Variants in NAV3 observed in about 807,000 individuals in gnomAD.
The protein encoded by NAV3 is neuron navigator 3, also known as pore membrane and/or filament interacting like protein 1.
A neutral mutation model predicts 244.7 loss-of-function variants in NAV3; 87 were observed. That is an observed-to-expected ratio of 0.36 (90% CI 0.30 to 0.42). NAV3 has a LOEUF of 0.42. Ranked by LOEUF, NAV3 falls within the 20% of genes least tolerant of loss-of-function variation. NAV3 has a pLI of 1.00. For missense variants in NAV3, 2,663 were observed against 2,893.3 expected (o/e 0.92, Z 1.83); for synonymous variants, 1,126 against 1,042.2 (o/e 1.08, Z -1.55).
At position 77,909,231 on chromosome 12, in the gene NAV3, A is replaced by C. The variant is rs1287400490; in HGVS notation, c.244-31088A>C. On this transcript the variant is annotated intron_variant, in intron 1 of 39. Transcript: ENST00000397909. ...AAAGATGATAATTTTTTCAACAGGA[A>C]ATAAAAGTCACTATCTGTATCTTAA... Among the ~76,000 whole-genome samples, 4 of 152,108 alleles carry C rather than the reference A, an allele frequency of 2.6e-5. No homozygotes were observed. The East Asian group carries it at 5.8e-4, about 22-fold the overall frequency.
intron 1 of NAV3, among the ~76,000 whole-genome samples, chr12:77,918,506 G>A (rs988476820): frequency 3.3e-5 from 5 of 152,030 alleles, no homozygotes; most frequent in African/African-American, 1.2e-4. Context: ...AAAACTCCAT[G>A]TCTTAAGACA....
intron 1 of NAV3, among the ~76,000 whole-genome samples, chr12:77,921,876 G>A (rs1887739199): frequency 6.6e-6 from 1 of 152,080 alleles, no homozygotes; most frequent in Non-Finnish European, 1.5e-5. Context: ...GGGCAAATTA[G>A]TCAATGAATC....
chr12:77,947,025 A>G (rs1239274245), intron 3 of NAV3, among the ~76,000 whole-genome samples: 1 of 152,082 alleles, frequency 6.6e-6, no homozygotes, highest in Non-Finnish European at 1.5e-5. Context: ...TTTTGTCGTA[A>G]TAATTCAATT....
chr12:77,916,538 A>G (rs2137111764), intron 1 of NAV3, among the ~76,000 whole-genome samples: 1 of 151,592 alleles, frequency 6.6e-6, no homozygotes, highest in Admixed American at 6.6e-5. Context: ...CATTGATTTT[A>G]CTGTACATTT....
intron 12 of NAV3, among the ~76,000 whole-genome samples, chr12:78,114,661 T>C (rs2138470926): frequency 6.6e-6 from 1 of 152,218 alleles, no homozygotes; most frequent in South Asian, 2.1e-4. Context: ...CACGTGAAGA[T>C]TATGGGAACT....
Position 78,158,467 on chromosome 12 carries a change from T to A in NAV3, c.4786-736T>A, listed in dbSNP as rs138275412. On this transcript the variant is annotated intron_variant, in intron 22 of 39. Transcript: ENST00000397909. ...GTCAAATACTTCTTAATCTTAAGAG[T>A]TATAGTTATGTACTACAATATGTAT... 7.1e-4 allele frequency among the ~76,000 whole-genome samples: 108 copies of A among 152,186 alleles called. No homozygotes were observed. The Middle Eastern group carries it at 0.02, about 29-fold the overall frequency.
chr12:77,824,162 C>G (rs1311462648), intron 2 of NAV3, among the ~76,000 whole-genome samples: 1 of 152,046 alleles, frequency 6.6e-6, no homozygotes, highest in Non-Finnish European at 1.5e-5. Context: ...CAACCTCCGC[C>G]TCTCGGGTTC....
intron 18 of NAV3, among the ~76,000 whole-genome samples, chr12:78,131,472 G>A (rs1956163166): frequency 6.6e-6 from 1 of 151,992 alleles, no homozygotes; most frequent in Admixed American, 6.6e-5. Flanking sequence ...GTTTGTGTAG[G>A]TCATAGGAAT....
chr12:77,956,589 T>A (rs1016775151), intron 3 of NAV3, among the ~76,000 whole-genome samples: 14 of 152,184 alleles, frequency 9.2e-5, no homozygotes, highest in African/African-American at 3.4e-4. Flanking sequence ...GTCAGCTCTA[T>A]AAGCATAACT....
intron 13 of NAV3, 81 bp from the exon 14 acceptor site, chr12:78,117,946 C>T (rs1955493511): frequency 7.7e-7 from 1 of 1,303,306 alleles, no homozygotes; most frequent in African/African-American, 1.5e-5. Context: ...ATCCAGTTAT[C>T]TGAAAGTACA....
chr12:78,143,313 CA>C, intron 20 of NAV3: 3 of 452,372 alleles, frequency 6.6e-6, no homozygotes, highest in South Asian at 3.1e-5. Flanking sequence ...TTACCTTTGG[CA>C]AACTTATGGT....
intron 2 of NAV3, among the ~76,000 whole-genome samples, chr12:77,756,981 T>G (rs1869213979): frequency 6.6e-6 from 1 of 152,222 alleles, no homozygotes; most frequent in African/African-American, 2.4e-5. Context: ...ATTTTCAATT[T>G]ATTCAGTTTT....
intron 12 of NAV3, among the ~76,000 whole-genome samples, chr12:78,064,688 T>C (rs1051668015): frequency 1.3e-5 from 2 of 152,080 alleles, no homozygotes; most frequent in Non-Finnish European, 2.9e-5. Context: ...GGTGGATATG[T>C]CCTTGGGGAT....
chr12:77,987,888 T>C (rs1473460836), intron 5 of NAV3, among the ~76,000 whole-genome samples: 1 of 152,154 alleles, frequency 6.6e-6, no homozygotes, highest in Admixed American at 6.5e-5. Context: ...TTAGAATATT[T>C]ATGGTAACAG....
chr12:77,779,409 C>A (rs1331405931), intron 2 of NAV3, among the ~76,000 whole-genome samples: 2 of 152,166 alleles, frequency 1.3e-5, no homozygotes, highest in Non-Finnish European at 2.9e-5. Context: ...AGAGAAATTG[C>A]AACTCCTTTA....
intron 2 of NAV3, among the ~76,000 whole-genome samples, chr12:77,647,065 T>TACACACAC (rs113864567): frequency 4.0e-4 from 52 of 130,498 alleles, no homozygotes; most frequent in African/African-American, 1.7e-3. Context: ...AACATATATA[T>TACACACAC]ATACACACAC....
At chr12:77,978,505 A>C (rs1367642158) in intron 5 of NAV3, among the ~76,000 whole-genome samples, 1 of 152,068 alleles carries the variant, frequency 6.6e-6, no homozygotes, top group Non-Finnish European at 1.5e-5. Context: ...ATTTTATACT[A>C]TATGAAATTA....
intron 2 of NAV3, among the ~76,000 whole-genome samples, chr12:77,697,454 T>G (rs1875358231): frequency 6.6e-6 from 1 of 152,330 alleles, no homozygotes; most frequent in South Asian, 2.1e-4. Flanking sequence ...TTAATCTCTC[T>G]TTCTCAATTT....
intron 2 of NAV3, among the ~76,000 whole-genome samples, chr12:77,604,264 T>G (rs1454278998): frequency 6.6e-6 from 1 of 152,036 alleles, no homozygotes; most frequent in Non-Finnish European, 1.5e-5. Context: ...ATACTTTTTT[T>G]TCTAGGGTGA....
Sources: gnomAD v4.1 joint callset for allele counts (sites outside exome capture counted in the v4.1 genomes callset) on GRCh38, gnomAD v4.1.1 for gene constraint, MANE v1.5 for transcripts, NCBI Gene and HGNC (gene_info 2026-07-23, HGNC 2026-07-21) for gene names.